The following TUSC3 variants were observed in gnomAD, a reference collection of about 807,000 sequenced individuals.
TUSC3 encodes tumor suppressor candidate 3, also known as dolichyl-diphosphooligosaccharide--protein glycosyltransferase subunit TUSC3.
TUSC3 carries 45 observed loss-of-function variants against 44.8 expected under a neutral mutation model. The ratio of observed to expected loss-of-function variants is 1.00; its 90% CI spans 0.79 to 1.29. The LOEUF is 1.29. Ranked by LOEUF, TUSC3 falls within the 50% of genes most tolerant of loss-of-function variation. The pLI is 0.00. For missense variants in TUSC3, 519 were observed against 437.9 expected, an observed-to-expected ratio of 1.19 and a Z score of -1.65; for synonymous variants, 212 against 152.9, an observed-to-expected ratio of 1.39 and a Z score of -2.85.
chr8:15,494,820 T>G (rs1800858193), intron 2 of TUSC3, among the ~76,000 whole-genome samples: 1 of 152,196 alleles, frequency 6.6e-6, no homozygotes, highest in South Asian at 2.1e-4. Context: ...GAGTTTTCTT[T>G]TCTTGTGTAA....
At chr8:15,639,079 C>T (rs763273419) in intron 2 of TUSC3, among the ~76,000 whole-genome samples, 9 of 145,814 alleles carry the variant, frequency 6.2e-5, no homozygotes, top group Non-Finnish European at 1.2e-4. Context: ...TGCTCGATCA[C>T]GTGATGTTCA....
intron 1 of TUSC3, among the ~76,000 whole-genome samples, chr8:15,455,991 G>C (rs1234046335): frequency 1.3e-5 from 2 of 152,046 alleles, no homozygotes; most frequent in African/African-American, 4.8e-5. Flanking sequence ...CTTGTCTAAT[G>C]ACCAATGACT....
chr8:15,643,436 A>C (rs1470805340), intron 2 of TUSC3, among the ~76,000 whole-genome samples: 2 of 151,940 alleles, frequency 1.3e-5, no homozygotes, highest in African/African-American at 2.4e-5. Context: ...GGAGAACCAA[A>C]ATTTCTTTGA....
chr8:15,680,323 G>C (rs1022858741), intron 6 of TUSC3, among the ~76,000 whole-genome samples: 4 of 151,818 alleles, frequency 2.6e-5, no homozygotes, highest in Non-Finnish European at 5.9e-5. Flanking sequence ...TGTGTGCCTA[G>C]GTAATTTGTG....
chr8:15,573,196 C>CTATATA (rs1427194441), intron 1 of TUSC3, among the ~76,000 whole-genome samples: 12 of 104,222 alleles, frequency 1.2e-4, no homozygotes, highest in East Asian at 9.6e-4. Context: ...CTCTCTCTCT[C>CTATATA]TCTCTCTATA....
chr8:15,685,168 G>C (rs2129187165), intron 6 of TUSC3, among the ~76,000 whole-genome samples: 1 of 152,280 alleles, frequency 6.6e-6, no homozygotes, highest in South Asian at 2.1e-4. Flanking sequence ...TCTCTGAGTG[G>C]CTTCCCTGCC....
At chr8:15,629,766 G>C (rs560458660) in intron 2 of TUSC3, among the ~76,000 whole-genome samples, 8 of 148,000 alleles carry the variant, frequency 5.4e-5, no homozygotes, top group Non-Finnish European at 1.0e-4. Flanking sequence ...TTTTCTTCTA[G>C]AGTTAACTTG....
intron 1 of TUSC3, among the ~76,000 whole-genome samples, chr8:15,595,377 G>A (rs938940496): frequency 6.6e-6 from 1 of 151,934 alleles, no homozygotes; most frequent in Non-Finnish European, 1.5e-5. Flanking sequence ...TGGACTTTCC[G>A]CTCTGTTTCC....
In TUSC3 at chr8:15,446,010, C is replaced by T. The variant is rs192817270; in HGVS notation, n.91+28705C>T. On this transcript the variant is annotated intron_variant and non_coding_transcript_variant, in intron 1 of 5. Coordinates refer to the TUSC3 transcript ENST00000503191. ...GCGGAGACGCTCCTCACTTCCCAGA[C>T]GGGCCGGCTGCCGGGCGGAGGGGCT... is the stretch of plus-strand genomic sequence containing the variant. Among the ~76,000 whole-genome samples, 317 of 151,690 alleles carry T rather than the reference C, an allele frequency of 2.1e-3. 4 individuals carry two copies. The East Asian group carries it at 0.037, about 18-fold the overall frequency.
chr8:15,549,228 G>A (rs1249674240), intron 1 of TUSC3, among the ~76,000 whole-genome samples: 1 of 151,680 alleles, frequency 6.6e-6, no homozygotes, highest in Non-Finnish European at 1.5e-5. Context: ...AGGCTGGAGT[G>A]CAGTGGGCTA....
the TUSC3 span, among the ~76,000 whole-genome samples, chr8:15,839,117 G>C: frequency 6.6e-5 from 10 of 152,066 alleles, no homozygotes; most frequent in Non-Finnish European, 7.4e-5. Flanking sequence ...TCTCTTTGAA[G>C]CAATTGTGAA....
At chr8:15,418,870 G>A (rs1799691597) in intron 1 of TUSC3, among the ~76,000 whole-genome samples, 1 of 152,080 alleles carries the variant, frequency 6.6e-6, no homozygotes, top group Non-Finnish European at 1.5e-5. Flanking sequence ...GCTGGGCATG[G>A]TGGCACATGC....
chr8:15,790,663 A>T, the TUSC3 span, among the ~76,000 whole-genome samples: 1 of 152,178 alleles, frequency 6.6e-6, no homozygotes, highest in Non-Finnish European at 1.5e-5. Flanking sequence ...CTCTACCTAG[A>T]AGGGTAGAGG....
At chr8:15,780,374 G>A in the TUSC3 span, among the ~76,000 whole-genome samples, 2 of 152,104 alleles carry the variant, frequency 1.3e-5, no homozygotes, top group Non-Finnish European at 2.9e-5. Flanking sequence ...TAACTCAAAG[G>A]TTCCCCATGG....
chr8:15,583,659 C>T (rs928604117), intron 1 of TUSC3, among the ~76,000 whole-genome samples: 1 of 152,136 alleles, frequency 6.6e-6, no homozygotes, highest in African/African-American at 2.4e-5. Context: ...AGCAGGATAG[C>T]AAGCTAATTT....
intron 7 of TUSC3, among the ~76,000 whole-genome samples, chr8:15,732,409 G>GTTTACA (rs1810758977): frequency 6.6e-6 from 1 of 152,218 alleles, no homozygotes; most frequent in East Asian, 1.9e-4. Context: ...CATCTAAGAT[G>GTTTACA]TGCCTTTCAC....
intron 2 of TUSC3, among the ~76,000 whole-genome samples, chr8:15,504,843 A>G (rs544432600): frequency 1.3e-5 from 2 of 150,904 alleles, no homozygotes; most frequent in African/African-American, 4.9e-5. Context: ...CAGTAGAGAT[A>G]GGGTTTCACC....
At chr8:15,788,554 A>AC in the TUSC3 span, among the ~76,000 whole-genome samples, 1 of 151,960 alleles carries the variant, frequency 6.6e-6, no homozygotes, top group South Asian at 2.1e-4. Context: ...CTCAAAAAAA[A>AC]AAAAAAAAAA....
At chr8:15,740,479 A>G (rs897532627) in intron 7 of TUSC3, among the ~76,000 whole-genome samples, 8 of 152,062 alleles carry the variant, frequency 5.3e-5, no homozygotes, top group Non-Finnish European at 1.0e-4. Flanking sequence ...TTGTCCTCCA[A>G]GTTAAGAAAA....
Sources: gnomAD v4.1 joint callset for allele counts (sites outside exome capture counted in the v4.1 genomes callset) on GRCh38, gnomAD v4.1.1 for gene constraint, MANE v1.5 for transcripts, NCBI Gene and HGNC (gene_info 2026-07-23, HGNC 2026-07-21) for gene names.